The following KCNQ5 variants were observed in gnomAD, a reference collection of about 807,000 sequenced individuals.
KCNQ5 encodes the protein potassium voltage-gated channel subfamily KQT member 5.
KCNQ5 carries 30 observed loss-of-function variants against 98.2 expected under a neutral mutation model. The ratio of observed to expected loss-of-function variants is 0.31; its 90% CI spans 0.23 to 0.41. KCNQ5 has a LOEUF of 0.41. Among genes scored for constraint, KCNQ5 ranks in the 10% least tolerant of loss-of-function variants. KCNQ5 has a pLI of 1.00. For synonymous variants in KCNQ5, 458 were observed against 449.4 expected, an observed-to-expected ratio of 1.02 and a Z score of -0.24; for missense variants, 835 against 1,182.5, an observed-to-expected ratio of 0.71 and a Z score of 4.31.
chr6:72,885,459 T>C (rs1300601642), intron 1 of KCNQ5, among the ~76,000 whole-genome samples: 1 of 152,154 alleles, frequency 6.6e-6, no homozygotes, highest in Non-Finnish European at 1.5e-5. Flanking sequence ...ACACTCTCTC[T>C]AAAAAGAATT....
intron 1 of KCNQ5, among the ~76,000 whole-genome samples, chr6:72,930,524 A>G (rs1262967036): frequency 1.4e-5 from 2 of 145,128 alleles, no homozygotes. Flanking sequence ...TAATTTTTTG[A>G]GGTCATTAAC....
chr6:72,848,151 C>T (rs533586338), intron 1 of KCNQ5, among the ~76,000 whole-genome samples: 2 of 152,024 alleles, frequency 1.3e-5, no homozygotes, highest in Admixed American at 1.3e-4. Flanking sequence ...ACAGTGACCT[C>T]CTCATGTAAA....
intron 1 of KCNQ5, among the ~76,000 whole-genome samples, chr6:72,831,112 C>T (rs1776246849): frequency 6.6e-6 from 1 of 152,228 alleles, no homozygotes; most frequent in South Asian, 2.1e-4. Flanking sequence ...GAAATAGGAA[C>T]ATTTTTACAC....
rs546970025 is a variant in KCNQ5, at chr6:72,792,111, G to A, written c.398+169524G>A. ...TGAGCTTCATTTCATAGCCATGGTG[G>A]CAAATCAAATTGTTAAATATATTTG... On this transcript the variant is annotated intron_variant, in intron 1 of 13. Transcript: ENST00000370398. 5.3e-5 allele frequency among the ~76,000 whole-genome samples: 8 copies of A among 152,304 alleles called. 1 individual carries two copies. The South Asian group carries it at 1.2e-3, about 24-fold the overall frequency.
At chr6:72,770,428 A>T (rs935560094) in intron 1 of KCNQ5, among the ~76,000 whole-genome samples, 1 of 152,168 alleles carries the variant, frequency 6.6e-6, no homozygotes, top group Non-Finnish European at 1.5e-5. Flanking sequence ...GTTTGACAAG[A>T]ATAAAATATA....
chr6:73,167,141 T>A (rs1407697556), intron 10 of KCNQ5, among the ~76,000 whole-genome samples: 1 of 152,316 alleles, frequency 6.6e-6, no homozygotes, highest in African/African-American at 2.4e-5. Context: ...CTAAAAAGAC[T>A]GTGTTGTGTG....
chr6:72,634,419 T>A (rs1344843490), intron 1 of KCNQ5, among the ~76,000 whole-genome samples: 2 of 152,236 alleles, frequency 1.3e-5, no homozygotes, highest in Non-Finnish European at 2.9e-5. Context: ...TTAATTACAT[T>A]ATTACATTGT....
intron 5 of KCNQ5, among the ~76,000 whole-genome samples, chr6:73,088,327 T>C (rs1331818608): frequency 2.6e-5 from 4 of 152,152 alleles, no homozygotes; most frequent in African/African-American, 9.7e-5. Context: ...AGACTCACTG[T>C]CCTTGTTTTC....
chr6:73,084,408 C>T (rs1773899751), intron 5 of KCNQ5, among the ~76,000 whole-genome samples: 1 of 152,122 alleles, frequency 6.6e-6, no homozygotes, highest in Admixed American at 6.5e-5. Flanking sequence ...TCAGCTCTGG[C>T]TCTTTAACTT....
chr6:73,076,623 T>C (rs1294820804), intron 3 of KCNQ5, among the ~76,000 whole-genome samples: 2 of 152,224 alleles, frequency 1.3e-5, no homozygotes, highest in Admixed American at 1.3e-4. Context: ...ACAGTGTTTA[T>C]ACTTACATAC....
At chr6:73,163,936 C>G (rs541636233) in intron 10 of KCNQ5, among the ~76,000 whole-genome samples, 1 of 152,106 alleles carries the variant, frequency 6.6e-6, no homozygotes, top group African/African-American at 2.4e-5. Flanking sequence ...ATTTAACCTC[C>G]CGCCATTATG....
chr6:73,159,548 A>G (rs1312941021), intron 10 of KCNQ5, among the ~76,000 whole-genome samples: 1 of 152,238 alleles, frequency 6.6e-6, no homozygotes, highest in African/African-American at 2.4e-5. Context: ...TGTCATAAAA[A>G]TTAATCCAAT....
At chr6:72,668,661 C>G (rs1766945861) in intron 1 of KCNQ5, among the ~76,000 whole-genome samples, 1 of 151,852 alleles carries the variant, frequency 6.6e-6, no homozygotes, top group African/African-American at 2.4e-5. Context: ...ATGGAAACCT[C>G]ACAGTTCTGG....
At chr6:73,098,524 G>A (rs922878085) in intron 5 of KCNQ5, among the ~76,000 whole-genome samples, 2 of 152,210 alleles carry the variant, frequency 1.3e-5, no homozygotes, top group East Asian at 1.9e-4. Context: ...AATAAATAAC[G>A]TGCAATGGAG....
At position 73,105,298 on chromosome 6, in the gene KCNQ5, A is replaced by G. The variant is rs1774956289; in HGVS notation, c.960A>G (p.Leu320=). Reference sequence around the variant, plus strand: ...TTGGCTATGGAGACAAAACTCCCCTAACTTGGCTGGGAAGATTGCTTTCTG... The same window carrying G: ...TTGGCTATGGAGACAAAACTCCCCTGACTTGGCTGGGAAGATTGCTTTCTG... ...TTIGYGDKTP[L]TWLGRLLSAG... The change falls in exon 6 of 14, where the codon CTA becomes CTG. Residue 320 remains leucine (L), a synonymous_variant. Coordinates refer to ENST00000370398, the MANE Select transcript of KCNQ5 (RefSeq NM_019842.4). 2 of 1,611,890 alleles carry G rather than the reference A, an allele frequency of 1.2e-6. No individual in the cohort carries two copies. Among genetic ancestry groups the G allele is most frequent in the Non-Finnish European group, 1.7e-6 (2 of 1,178,870 alleles).
At chr6:72,940,083 G>A (rs548598125) in intron 1 of KCNQ5, among the ~76,000 whole-genome samples, 64 of 152,076 alleles carry the variant, frequency 4.2e-4, no homozygotes, top group Non-Finnish European at 7.8e-4. Context: ...TATAAAATGA[G>A]GTTGTTGTAT....
chr6:72,774,252 A>G (rs936290309), intron 1 of KCNQ5, among the ~76,000 whole-genome samples: 3 of 152,132 alleles, frequency 2.0e-5, no homozygotes, highest in African/African-American at 7.2e-5. Flanking sequence ...CAATTATTCA[A>G]CTCTCTTCCA....
At chr6:73,174,496 C>A (rs935418491) in intron 11 of KCNQ5, among the ~76,000 whole-genome samples, 8 of 152,170 alleles carry the variant, frequency 5.3e-5, no homozygotes, top group Non-Finnish European at 1.2e-4. Flanking sequence ...CTTTATGAAA[C>A]CTTTTCTTTC....
chr6:73,042,177 T>C (rs1771742691), intron 3 of KCNQ5, 115 bp downstream of exon 3: 2 of 1,206,008 alleles, frequency 1.7e-6, no homozygotes, highest in African/African-American at 1.5e-5. Flanking sequence ...GTACTTATCA[T>C]GGACCGGGCA....
Sources: allele counts gnomAD v4.1 joint callset (sites outside exome capture counted in the v4.1 genomes callset), GRCh38; gene constraint gnomAD v4.1.1; transcripts MANE v1.5; gene names NCBI Gene and HGNC (gene_info 2026-07-23, HGNC 2026-07-21).